CNTNAP2: variants seen among roughly 807,000 people sequenced by gnomAD.
The protein encoded by CNTNAP2 is contactin associated protein 2.
CNTNAP2 carries 98 observed loss-of-function variants against 155.2 expected under a neutral mutation model. The ratio of observed to expected loss-of-function variants is 0.63; its 90% CI spans 0.54 to 0.75. The LOEUF is 0.75. Ranked by LOEUF, CNTNAP2 falls within the 30% of genes least tolerant of loss-of-function variation. The pLI is 0.00. For synonymous variants in CNTNAP2, 651 were observed against 631.2 expected (o/e 1.03, Z -0.47); for missense variants, 1,727 against 1,688.1 (o/e 1.02, Z -0.40).
At chr7:147,026,303 GA>G (rs1798918197) in intron 3 of CNTNAP2, among the ~76,000 whole-genome samples, 1 of 152,148 alleles carries the variant, frequency 6.6e-6, no homozygotes, top group Non-Finnish European at 1.5e-5. Flanking sequence ...TGAGGAGAAA[GA>G]AATGACAGTA....
At chr7:147,503,684 T>TAA (rs35831748) in intron 11 of CNTNAP2, among the ~76,000 whole-genome samples, 1 of 140,088 alleles carries the variant, frequency 7.1e-6, no homozygotes, top group Non-Finnish European at 1.5e-5. Flanking sequence ...TTCTCTTTTG[T>TAA]AAAAAAAAAA....
intron 1 of CNTNAP2, among the ~76,000 whole-genome samples, chr7:146,499,330 G>T (rs1253382072): frequency 6.6e-6 from 1 of 152,082 alleles, no homozygotes; most frequent in Non-Finnish European, 1.5e-5. Context: ...TAACAGGCAT[G>T]CCACCACACC....
intron 15 of CNTNAP2, among the ~76,000 whole-genome samples, chr7:148,072,966 C>G (rs1803408661): frequency 6.6e-6 from 1 of 152,170 alleles, no homozygotes; most frequent in Non-Finnish European, 1.5e-5. Flanking sequence ...CCTCGGCCCC[C>G]CAAAGTACTG....
At chr7:147,275,817 T>C (rs1804883229) in intron 8 of CNTNAP2, among the ~76,000 whole-genome samples, 1 of 152,256 alleles carries the variant, frequency 6.6e-6, no homozygotes, top group South Asian at 2.1e-4. Flanking sequence ...TTTATCACTC[T>C]TACTATTTTG....
intron 15 of CNTNAP2, among the ~76,000 whole-genome samples, chr7:148,066,044 C>T (rs112365942): frequency 0.037 from 5,624 of 152,236 alleles, 355 homozygotes; most frequent in African/African-American, 0.13. Flanking sequence ...ATTTGTGAAG[C>T]TTAGTTTCAC....
chr7:146,436,614 A>G (rs1279795804), intron 1 of CNTNAP2, among the ~76,000 whole-genome samples: 5 of 152,238 alleles, frequency 3.3e-5, no homozygotes, highest in African/African-American at 1.2e-4. Context: ...AAAACAATAA[A>G]ACACAGTTTA....
chr7:147,044,486 CT>C (rs2129255594), intron 4 of CNTNAP2, among the ~76,000 whole-genome samples: 1 of 152,278 alleles, frequency 6.6e-6, no homozygotes, highest in African/African-American at 2.4e-5. Flanking sequence ...CTAAGTATCT[CT>C]CTTCAGTTAT....
intron 13 of CNTNAP2, among the ~76,000 whole-genome samples, chr7:147,866,689 G>A (rs141721418): frequency 6.6e-6 from 1 of 151,546 alleles, no homozygotes; most frequent in Non-Finnish European, 1.5e-5. Context: ...GGCCTTCTTT[G>A]CCTCTTTTGA....
intron 8 of CNTNAP2, among the ~76,000 whole-genome samples, chr7:147,224,152 C>T (rs1451742787): frequency 6.6e-6 from 1 of 152,028 alleles, no homozygotes; most frequent in Non-Finnish European, 1.5e-5. Context: ...TGCCCTGTGA[C>T]CTTACTTCTG....
rs185528454 is a variant in CNTNAP2 at position 148,177,001 on chromosome 7, C to T, written c.3010+4523C>T. Among the ~76,000 whole-genome samples the T allele has an allele frequency of 2.0e-5, 3 of 152,202 alleles. No individual in the cohort carries two copies. The South Asian group carries it at 6.2e-4, about 31-fold the overall frequency. On this transcript the variant is annotated intron_variant, in intron 18 of 23. Transcript: ENST00000361727. Reference sequence around the variant, plus strand: ...AAGAATTCTATAATTATCAATGTCACTTTTATTACTAACCAGAAATTAGAG... The same window carrying T: ...AAGAATTCTATAATTATCAATGTCATTTTTATTACTAACCAGAAATTAGAG...
chr7:147,022,203 G>A (rs1798829419), intron 3 of CNTNAP2, among the ~76,000 whole-genome samples: 1 of 151,926 alleles, frequency 6.6e-6, no homozygotes, highest in Non-Finnish European at 1.5e-5. Flanking sequence ...TTATTTCTTT[G>A]GTCTGATTTC....
At chr7:146,346,997 T>C (rs1794828277) in intron 1 of CNTNAP2, among the ~76,000 whole-genome samples, 1 of 151,814 alleles carries the variant, frequency 6.6e-6, no homozygotes, top group African/African-American at 2.4e-5. Flanking sequence ...CGATGAAAAA[T>C]ATGCCTCCTA....
At chr7:148,193,661 G>T (rs952243933) in intron 18 of CNTNAP2, among the ~76,000 whole-genome samples, 1 of 152,020 alleles carries the variant, frequency 6.6e-6, no homozygotes, top group African/African-American at 2.4e-5. Context: ...TTTCTGCCAT[G>T]CTGTTCTCTG....
intron 1 of CNTNAP2, among the ~76,000 whole-genome samples, chr7:146,760,318 C>G: frequency 6.7e-6 from 1 of 150,234 alleles, no homozygotes; most frequent in East Asian, 2.0e-4. Flanking sequence ...AAAACAAATT[C>G]AGTCACCTTC....
chr7:146,485,888 G>GAATCTGTCTATACAATTT (rs1250623738), intron 1 of CNTNAP2, among the ~76,000 whole-genome samples: 1 of 151,910 alleles, frequency 6.6e-6, no homozygotes, highest in Non-Finnish European at 1.5e-5. Context: ...AATTGATATA[G>GAATCTGTCTATACAATTT]AATCTGTCTA....
chr7:146,247,593 A>G (rs945959108), intron 1 of CNTNAP2, among the ~76,000 whole-genome samples: 3 of 152,224 alleles, frequency 2.0e-5, no homozygotes, highest in Admixed American at 6.5e-5. Context: ...GTGCCTGGAC[A>G]TCAGGCACCT....
intron 15 of CNTNAP2, among the ~76,000 whole-genome samples, chr7:148,088,896 GC>G (rs1441401546): frequency 6.6e-6 from 1 of 151,892 alleles, no homozygotes; most frequent in African/African-American, 2.4e-5. Context: ...GAATATAGAT[GC>G]AAAAACCCTC....
intron 1 of CNTNAP2, among the ~76,000 whole-genome samples, chr7:146,743,908 T>C (rs1402148804): frequency 2.6e-5 from 4 of 151,932 alleles, no homozygotes; most frequent in Non-Finnish European, 4.4e-5. Flanking sequence ...TTTAGCTGAG[T>C]AGTTTTCTCA....
intron 10 of CNTNAP2, among the ~76,000 whole-genome samples, chr7:147,414,783 T>C (rs1797161243): frequency 6.6e-6 from 1 of 150,630 alleles, no homozygotes; most frequent in South Asian, 2.1e-4. Flanking sequence ...CTACTAAAAA[T>C]ACAAAAAATT....
Sources: allele counts gnomAD v4.1 joint callset (sites outside exome capture counted in the v4.1 genomes callset), GRCh38; gene constraint gnomAD v4.1.1; transcripts MANE v1.5; gene names NCBI Gene and HGNC (gene_info 2026-07-23, HGNC 2026-07-21).